Variants in PTPRD observed in about 807,000 individuals in gnomAD.
The protein encoded by PTPRD is receptor-type tyrosine-protein phosphatase delta.
A neutral mutation model predicts 214.5 loss-of-function variants in PTPRD; 34 were observed. That is an observed-to-expected ratio of 0.16 (90% CI 0.12 to 0.21). The LOEUF (loss-of-function observed/expected upper bound fraction) is 0.21, where lower values mean the gene tolerates loss of function less well. PTPRD is among the 10% of genes least tolerant of loss of function. The probability of loss-of-function intolerance (pLI) is 1.00; values close to 1 mark genes in which losing one functional copy is unlikely to be tolerated. For synonymous variants in PTPRD, 1,128 were observed against 845.7 expected (o/e 1.33, Z -5.79); for missense variants, 2,545 against 2,398.7 (o/e 1.06, Z -1.27).
At chr9:10,138,392 T>C (rs561176266) in intron 3 of PTPRD, among the ~76,000 whole-genome samples, 1 of 151,748 alleles carries the variant, frequency 6.6e-6, no homozygotes, top group African/African-American at 2.4e-5. Flanking sequence ...AAATCAGTAA[T>C]AAATACTCTA....
At chr9:9,273,140 G>A (rs7035243) in intron 9 of PTPRD, among the ~76,000 whole-genome samples, 17,910 of 151,192 alleles carry the variant, frequency 0.12, 1,325 homozygotes, top group Non-Finnish European at 0.16. Flanking sequence ...ATTGTTAAGT[G>A]ACCATGCTTA....
rs867144118 is a variant in PTPRD at position 8,326,483 on chromosome 9, T to G, written c.5534+5099A>C. Among the ~76,000 whole-genome samples the G allele has an allele frequency of 8.7e-5, 13 of 149,984 alleles. 1 individual carries two copies. The Middle Eastern group carries it at 0.038, about 438-fold the overall frequency. On this transcript the variant is annotated intron_variant, in intron 44 of 45. Coordinates refer to ENST00000381196, the MANE Select transcript of PTPRD (RefSeq NM_002839.4). ...TGGATTCGGTTTGCCAGTATTTTAT[T>G]GAGGATTTTGGCATCGATGTTCATC...
chr9:10,036,990 C>T (rs1276516603), intron 3 of PTPRD, among the ~76,000 whole-genome samples: 1 of 151,952 alleles, frequency 6.6e-6, no homozygotes, highest in African/African-American at 2.4e-5. Flanking sequence ...CTTAAGTGAT[C>T]CTACCACCCC....
At chr9:9,560,356 T>C (rs2082594179) in intron 8 of PTPRD, among the ~76,000 whole-genome samples, 1 of 152,156 alleles carries the variant, frequency 6.6e-6, no homozygotes, top group Non-Finnish European at 1.5e-5. Flanking sequence ...ATTCTAGAAA[T>C]GTTGCATCTT....
chr9:10,154,853 T>C (rs1203920909), intron 3 of PTPRD, among the ~76,000 whole-genome samples: 2 of 152,178 alleles, frequency 1.3e-5, no homozygotes, highest in East Asian at 1.9e-4. Context: ...ACTGTAGCCC[T>C]GTAACATAAT....
intron 8 of PTPRD, among the ~76,000 whole-genome samples, chr9:9,451,166 G>C (rs2092070858): frequency 6.6e-6 from 1 of 151,462 alleles, no homozygotes; most frequent in Non-Finnish European, 1.5e-5. Flanking sequence ...GTTTATATAA[G>C]GTGCAATACA....
At chr9:10,454,849 A>G (rs2098894483) in intron 2 of PTPRD, among the ~76,000 whole-genome samples, 2 of 151,496 alleles carry the variant, frequency 1.3e-5, no homozygotes, top group Non-Finnish European at 3.0e-5. Flanking sequence ...ACACACACAT[A>G]TAATAGAAAA....
intron 27 of PTPRD, among the ~76,000 whole-genome samples, chr9:8,490,508 TTATCCTTAAACA>T (rs2097128188): frequency 6.6e-6 from 1 of 152,200 alleles, no homozygotes; most frequent in Admixed American, 6.5e-5. Flanking sequence ...CATCTTTTGA[TTATCCTTAAACA>T]TAGCTGTTCA....
At chr9:10,039,727 T>A (rs2097260965) in intron 3 of PTPRD, among the ~76,000 whole-genome samples, 1 of 149,058 alleles carries the variant, frequency 6.7e-6, no homozygotes, top group Non-Finnish European at 1.5e-5. Context: ...TAAGACTTTT[T>A]TTTATTATTC....
At chr9:9,836,951 C>G (rs112309676) in intron 5 of PTPRD, among the ~76,000 whole-genome samples, 53 of 152,180 alleles carry the variant, frequency 3.5e-4, no homozygotes, top group African/African-American at 1.2e-3. Flanking sequence ...GTGGGGCACA[C>G]CAGTTGGTAA....
rs1355374055 is a variant in PTPRD, at chr9:8,317,303, T to C, written c.*571A>G. 1 of 232,268 alleles carries C rather than the reference T, an allele frequency of 4.3e-6. No homozygotes were observed. Among genetic ancestry groups the C allele is most frequent in the African/African-American group, 2.2e-5 (1 of 45,262 alleles). The allele number at this position is 232,268 out of a possible 1,614,324, so 14.4% of individuals were successfully genotyped here. A position where few individuals can be genotyped will look rare whatever the true frequency, so the allele number is the denominator to read the frequency against. On this transcript the variant is annotated 3_prime_UTR_variant, in exon 46 of 46. Transcript: ENST00000381196. ...AAATTCACTTTATCGAATGATACAT[T>C]TTGTTAAAAAAAAGTTTACACAGTT...
intron 7 of PTPRD, among the ~76,000 whole-genome samples, chr9:9,666,672 A>G (rs1346393620): frequency 1.3e-5 from 2 of 151,936 alleles, no homozygotes; most frequent in Non-Finnish European, 2.9e-5. Context: ...GTTCTACCTA[A>G]GGTCTTTACT....
intron 9 of PTPRD, among the ~76,000 whole-genome samples, chr9:9,380,038 A>T (rs1288694446): frequency 6.6e-6 from 1 of 151,874 alleles, no homozygotes; most frequent in Non-Finnish European, 1.5e-5. Flanking sequence ...ATTAACTAGG[A>T]CTTCAAATGT....
chr9:10,106,531 A>C (rs1391400502), intron 3 of PTPRD, among the ~76,000 whole-genome samples: 1 of 151,980 alleles, frequency 6.6e-6, no homozygotes, highest in African/African-American at 2.4e-5. Context: ...GGACACACAG[A>C]AAGTTCTAAA....
chr9:8,655,214 G>C (rs191097983), intron 12 of PTPRD, among the ~76,000 whole-genome samples: 1 of 152,156 alleles, frequency 6.6e-6, no homozygotes, highest in Admixed American at 6.5e-5. Context: ...TCCTATGTAA[G>C]CAGGTTTCAC....
intron 6 of PTPRD, among the ~76,000 whole-genome samples, chr9:9,744,707 C>T (rs1456720616): frequency 6.6e-6 from 1 of 151,874 alleles, no homozygotes; most frequent in Admixed American, 6.6e-5. Flanking sequence ...AAAGAGTAAA[C>T]AAATTAATGA....
chr9:9,789,439 C>T (rs2098950555), intron 5 of PTPRD, among the ~76,000 whole-genome samples: 1 of 152,060 alleles, frequency 6.6e-6, no homozygotes, highest in Admixed American at 6.5e-5. Context: ...CACTATTTTT[C>T]CCTGTTCACA....
At chr9:9,207,280 AC>A (rs2099945451) in intron 9 of PTPRD, among the ~76,000 whole-genome samples, 1 of 152,142 alleles carries the variant, frequency 6.6e-6, no homozygotes, top group African/African-American at 2.4e-5. Flanking sequence ...TTAATAGACA[AC>A]CGCATGGAGA....
At chr9:8,417,819 G>C (rs560381140) in intron 35 of PTPRD, among the ~76,000 whole-genome samples, 1 of 152,152 alleles carries the variant, frequency 6.6e-6, no homozygotes, top group Non-Finnish European at 1.5e-5. Flanking sequence ...ATTATAGCTT[G>C]TGTCCAAAGA....
Sources: allele counts gnomAD v4.1 joint callset (sites outside exome capture counted in the v4.1 genomes callset), GRCh38; gene constraint gnomAD v4.1.1; transcripts MANE v1.5; gene names NCBI Gene and HGNC (gene_info 2026-07-23, HGNC 2026-07-21).